Variants in PRAG1 observed in about 807,000 individuals in gnomAD.
PRAG1 encodes the protein inactive tyrosine-protein kinase PRAG1.
A neutral mutation model predicts 95.6 loss-of-function variants in PRAG1; 110 were observed. The observed-to-expected ratio is 1.15, with a 90% CI of 0.99 to 1.35. The LOEUF is 1.35. PRAG1 is among the 40% of genes most tolerant of loss of function. The pLI is 0.00. For missense variants in PRAG1, 2,554 were observed against 1,864.7 expected, an observed-to-expected ratio of 1.37 and a Z score of -6.81; for synonymous variants, 1,052 against 819.4, an observed-to-expected ratio of 1.28 and a Z score of -4.85.
chr8:8,379,273 A>T (rs1487363139), intron 2 of PRAG1, among the ~76,000 whole-genome samples: 1 of 152,040 alleles, frequency 6.6e-6, no homozygotes. Flanking sequence ...GAGTGGTTGG[A>T]CTCGTTGGGC....
chr8:8,327,987 C>A lies in PRAG1; in HGVS notation c.2795G>T (p.Gly932Val). 6.3e-7 allele frequency: 1 copy of A among 1,596,264 alleles called. No individual in the cohort carries two copies. Among genetic ancestry groups the A allele is most frequent in the South Asian group, 1.1e-5 (1 of 88,196 alleles). Residue 932 changes from glycine (G) to valine (V), a missense_variant, in exon 5 of 6, where the codon GGG (glycine) becomes GTG (valine). Physicochemically the swap from Gly to Val is moderately radical, Grantham distance 109. Transcript: ENST00000615670. Reference sequence around the variant, plus strand: ...ACCGTGCAGCTGAAGCTGGGTGCTCCCGGTGGAGGCTTGACTGGACACGCT... The same window carrying A: ...ACCGTGCAGCTGAAGCTGGGTGCTCACGGTGGAGGCTTGACTGGACACGCT... Reference protein sequence around the residue: ...QLSVSSQASTGSTQLQLHGLL... With the variant: ...QLSVSSQASTVSTQLQLHGLL...
rs571311964 is a variant in PRAG1, at chr8:8,377,791, G to C, written c.618C>G (p.Ser206Arg). 1.0e-4 allele frequency: 167 copies of C among 1,614,150 alleles called. No homozygotes were observed. The South Asian group carries it at 1.6e-3, about 15-fold the overall frequency. ...CAAAGGCAGCCAGTTTCTGGCGGAA[G>C]CTCTCCTGGGTGGAGGGCCGGTCTT... is the stretch of plus-strand genomic sequence containing the variant. ...PYQDRPSTQE[S>R]FRQKLAAFAG... The change falls in exon 3 of 6, where the codon AGC becomes AGG. Residue 206 changes from serine to arginine, a missense_variant. Physicochemically the swap from Ser to Arg is moderately radical, Grantham distance 110. Coordinates refer to ENST00000615670, the MANE Select transcript of PRAG1 (RefSeq NM_001080826.3).
chr8:8,358,737 A>C (rs539800998), intron 3 of PRAG1, among the ~76,000 whole-genome samples: 34 of 152,372 alleles, frequency 2.2e-4, no homozygotes, highest in African/African-American at 8.2e-4. Context: ...ACAAAGAGAC[A>C]CAGGAATATT....
chr8:8,366,420 T>A (rs953562019), intron 3 of PRAG1, among the ~76,000 whole-genome samples: 1 of 151,928 alleles, frequency 6.6e-6, no homozygotes, highest in African/African-American at 2.4e-5. Context: ...TTCAAGCAAT[T>A]CTTCTGCCTC....
chr8:8,377,801 G>A lies in PRAG1; in HGVS notation c.608C>T (p.Thr203Ile), dbSNP rs776211253. 2.5e-6 allele frequency: 4 copies of A among 1,614,186 alleles called. No individual in the cohort carries two copies. Among genetic ancestry groups the A allele is most frequent in the East Asian group, 2.2e-5 (1 of 44,882 alleles). The change falls in exon 3 of 6, where the codon ACC becomes ATC. Residue 203 changes from threonine (T) to isoleucine (I), a missense_variant. Physicochemically the swap from Thr to Ile is moderately conservative, Grantham distance 89. Coordinates refer to ENST00000615670, the MANE Select transcript of PRAG1 (RefSeq NM_001080826.3). ...CAGTTTCTGGCGGAAGCTCTCCTGG[G>A]TGGAGGGCCGGTCTTGGTAAGGAAA... is the stretch of plus-strand genomic sequence containing the variant. The part of the protein sequence containing the change: ...PSFPYQDRPS[T>I]QESFRQKLAA...
At chr8:8,380,334 C>G (rs1344675713) in intron 2 of PRAG1, among the ~76,000 whole-genome samples, 1 of 151,110 alleles carries the variant, frequency 6.6e-6, no homozygotes, top group Non-Finnish European at 1.5e-5. Flanking sequence ...CGCGGTGGCT[C>G]ACGCCTATAA....
Position 8,318,843 on chromosome 8 carries a change from C to A in PRAG1, c.3532G>T (p.Ala1178Ser), listed in dbSNP as rs1415457369. The A allele has an allele frequency of 8.4e-6, 8 of 947,914 alleles. No individual in the cohort carries two copies. In the Admixed American group the frequency reaches 4.2e-4, roughly 50 times the overall value. 58.7% of individuals were successfully genotyped at this position (947,914 alleles called of 1,614,324 possible). Residue 1178 changes from alanine to serine, a missense_variant, in exon 6 of 6, where the codon GCG becomes TCG. By Grantham distance (99) the Ala-to-Ser change is moderately conservative. Coordinates refer to ENST00000615670, the MANE Select transcript of PRAG1 (RefSeq NM_001080826.3). This position sits in a 1 kb window ranked among gnomAD's most constrained non-coding sequence, Gnocchi z 4.2. ...PAPAPAPAAA[A>S]PPCSSAAPPA... Reference sequence around the variant, plus strand: ...GGGGCGGCAGAGGAGCAGGGAGGCGCGGCGGCGGCGGGGGCGGGAGCCGGG... The same window carrying A: ...GGGGCGGCAGAGGAGCAGGGAGGCGAGGCGGCGGCGGGGGCGGGAGCCGGG...
At chr8:8,324,518 G>C (rs1328216520) in intron 5 of PRAG1, among the ~76,000 whole-genome samples, 1 of 152,172 alleles carries the variant, frequency 6.6e-6, no homozygotes, top group Non-Finnish European at 1.5e-5. Flanking sequence ...GCACTGGGTG[G>C]GGGAAGGGGC....
chr8:8,368,470 T>C (rs1002283563), intron 3 of PRAG1, among the ~76,000 whole-genome samples: 2 of 152,192 alleles, frequency 1.3e-5, no homozygotes, highest in African/African-American at 4.8e-5. Context: ...GACTCTGATC[T>C]TTAAACTCTG....
At chr8:8,352,132 C>T (rs1031236212) in intron 3 of PRAG1, among the ~76,000 whole-genome samples, 3 of 152,192 alleles carry the variant, frequency 2.0e-5, no homozygotes, top group Non-Finnish European at 2.9e-5. Flanking sequence ...GACTTCATTT[C>T]TACCCTTCTA....
Position 8,318,949 on chromosome 8 carries a change from G to T in PRAG1, c.3426C>A (p.Ile1142=). Residue 1142 remains isoleucine, a synonymous_variant, in exon 6 of 6, where the codon ATC becomes ATA. Coordinates refer to ENST00000615670, the MANE Select transcript of PRAG1 (RefSeq NM_001080826.3). This position sits in a 1 kb window ranked among gnomAD's most constrained non-coding sequence, Gnocchi z 4.2. ...GLEHLKEHGI[I]HRDLCLENLL... ...GGTTCTCCAGGCACAGGTCCCGGTGGATGATCCCGTGCTCCTTCAGGTGCT... is the reference window on the plus strand; with the variant it reads ...GGTTCTCCAGGCACAGGTCCCGGTGTATGATCCCGTGCTCCTTCAGGTGCT... 2 of 1,612,916 alleles carry T rather than the reference G, an allele frequency of 1.2e-6. No homozygotes were observed. Among genetic ancestry groups the T allele is most frequent in the Non-Finnish European group, 1.7e-6 (2 of 1,179,648 alleles).
rs772482190 is a variant in PRAG1, at chr8:8,376,920, C to A, written c.1489G>T (p.Val497Leu). The change falls in exon 3 of 6, where the codon GTG becomes TTG. Residue 497 changes from valine (V) to leucine (L), a missense_variant. Coordinates refer to ENST00000615670, the MANE Select transcript of PRAG1 (RefSeq NM_001080826.3). ...TIYLSSPDSA[V>L]GVQWPRGPVS... is the part of the protein sequence containing the mutation. ...GGCCCTCGTGGCCACTGCACCCCCA[C>A]TGCAGAGTCAGGGCTGCTCAGGTAG... The A allele has an allele frequency of 1.9e-6, 3 of 1,613,356 alleles. No individual in the cohort carries two copies. Among genetic ancestry groups the A allele is most frequent in the African/African-American group, 1.3e-5 (1 of 74,948 alleles).
At chr8:8,344,957 T>C (rs1237269379) in intron 3 of PRAG1, among the ~76,000 whole-genome samples, 1 of 152,052 alleles carries the variant, frequency 6.6e-6, no homozygotes, top group East Asian at 1.9e-4. Context: ...ATAGTTACTA[T>C]AGCAGAAGTC....
In PRAG1 at chr8:8,377,514, C is replaced by T. The variant is rs950454489; in HGVS notation, c.895G>A (p.Glu299Lys). 2 of 1,569,080 alleles carry T rather than the reference C, an allele frequency of 1.3e-6. No homozygotes were observed. The highest frequency in any genetic ancestry group is 1.7e-6 in the Non-Finnish European group (2 of 1,156,918). ...AAGCTCGGGCCCCGCTTCTCCTGCTCTGCGGGCCCGGAACACTTCCCCTGC... is the reference window on the plus strand; with the variant it reads ...AAGCTCGGGCCCCGCTTCTCCTGCTTTGCGGGCCCGGAACACTTCCCCTGC... Reference protein sequence around the residue: ...WEQGKCSGPAEQEKRGPSFPK... With the variant: ...WEQGKCSGPAKQEKRGPSFPK... Residue 299 changes from glutamate to lysine, a missense_variant, in exon 3 of 6, where the codon GAG becomes AAG. Coordinates refer to ENST00000615670, the MANE Select transcript of PRAG1 (RefSeq NM_001080826.3).
intron 3 of PRAG1, among the ~76,000 whole-genome samples, chr8:8,345,762 T>C (rs550747847): frequency 6.6e-6 from 1 of 152,256 alleles, no homozygotes; most frequent in South Asian, 2.1e-4. Context: ...ACCACTGCAC[T>C]CCAGCCTGGG....
chr8:8,327,997 C>T lies in PRAG1; in HGVS notation c.2785G>A (p.Ala929Thr), dbSNP rs1798688121. ...TGAAGCTGGGTGCTCCCGGTGGAGG[C>T]TTGACTGGACACGCTCAGCTGGGAG... ...SSSQLSVSSQ[A>T]STGSTQLQLH... The change falls in exon 5 of 6, where the codon GCC becomes ACC. Residue 929 changes from alanine (A) to threonine (T), a missense_variant. Physicochemically the swap from Ala to Thr is moderately conservative, Grantham distance 58 (BLOSUM62 0). Transcript: ENST00000615670. The T allele has an allele frequency of 1.9e-6, 3 of 1,592,536 alleles. No individual in the cohort carries two copies. The highest frequency in any genetic ancestry group is 1.7e-5 in the Admixed American group (1 of 58,552).
chr8:8,356,430 T>C (rs186808696), intron 3 of PRAG1, among the ~76,000 whole-genome samples: 20 of 152,312 alleles, frequency 1.3e-4, no homozygotes, highest in Non-Finnish European at 1.8e-4. Flanking sequence ...ACCACAGCCT[T>C]GACCTCTTGG....
chr8:8,346,320 C>A (rs140892484), intron 3 of PRAG1, among the ~76,000 whole-genome samples: 1 of 152,362 alleles, frequency 6.6e-6, no homozygotes, highest in East Asian at 1.9e-4. Context: ...ACAGTCTCCA[C>A]AGATGTCTTC....
At chr8:8,358,716 G>C (rs1266285558) in intron 3 of PRAG1, among the ~76,000 whole-genome samples, 1 of 152,210 alleles carries the variant, frequency 6.6e-6, no homozygotes, top group Non-Finnish European at 1.5e-5. Context: ...CCTGCCACGA[G>C]AGCACACTGA....
Sources: gnomAD v4.1 joint callset for allele counts (sites outside exome capture counted in the v4.1 genomes callset) on GRCh38, gnomAD v4.1.1 for gene constraint, Gnocchi (gnomAD v3.1) non-coding constraint, MANE v1.5 for transcripts, NCBI Gene and HGNC (gene_info 2026-07-23, HGNC 2026-07-21) for gene names.